The following ONECUT2 variants were observed in gnomAD, a reference collection of about 807,000 sequenced individuals.
ONECUT2 encodes one cut homeobox 2.
In ONECUT2, 10 loss-of-function variants were observed where a neutral mutation model predicts 27.9. That is an observed-to-expected ratio of 0.36 (90% CI 0.22 to 0.61). ONECUT2 has a LOEUF of 0.61. ONECUT2 is among the 20% of genes least tolerant of loss of function. The pLI is 0.73. For synonymous variants in ONECUT2, 334 were observed against 315.1 expected (o/e 1.06, Z -0.64); for missense variants, 686 against 721.0 (o/e 0.95, Z 0.56).
intron 1 of ONECUT2, among the ~76,000 whole-genome samples, chr18:57,459,000 T>G (rs1448676843): frequency 6.6e-6 from 1 of 152,252 alleles, no homozygotes; most frequent in African/African-American, 2.4e-5. Flanking sequence ...ATATACTTGC[T>G]GGTCATATAT....
At chr18:57,439,227 G>A (rs1299980464) in intron 1 of ONECUT2, among the ~76,000 whole-genome samples, 1 of 152,224 alleles carries the variant, frequency 6.6e-6, no homozygotes, top group South Asian at 2.1e-4. Context: ...CATCCCGGGG[G>A]TCCTCAGCCC....
chr18:57,457,303 A>G (rs146795260), intron 1 of ONECUT2, among the ~76,000 whole-genome samples: 44 of 152,302 alleles, frequency 2.9e-4, no homozygotes, highest in African/African-American at 8.9e-4. Flanking sequence ...AGGGGGAACC[A>G]GGTTTCCAAA....
At chr18:57,441,438 G>A (rs535153693) in intron 1 of ONECUT2, among the ~76,000 whole-genome samples, 3 of 152,248 alleles carry the variant, frequency 2.0e-5, no homozygotes, top group South Asian at 4.1e-4. Flanking sequence ...CTCCTCCCCC[G>A]CGAGGCCCCA....
At chr18:57,474,879 G>A (rs576680744) in intron 1 of ONECUT2, among the ~76,000 whole-genome samples, 4 of 152,102 alleles carry the variant, frequency 2.6e-5, no homozygotes, top group Non-Finnish European at 5.9e-5. Context: ...CAGTCTTGGG[G>A]GAATGTCAGT....
At chr18:57,475,056 A>ATTTTTTT (rs33961491) in intron 1 of ONECUT2, among the ~76,000 whole-genome samples, 17 of 125,526 alleles carry the variant, frequency 1.4e-4, no homozygotes, top group African/African-American at 5.0e-4. Flanking sequence ...ATTTCAAGTG[A>ATTTTTTT]TTTTTTTTTT....
At chr18:57,444,060 A>C (rs546875666) in intron 1 of ONECUT2, among the ~76,000 whole-genome samples, 1 of 152,238 alleles carries the variant, frequency 6.6e-6, no homozygotes, top group Non-Finnish European at 1.5e-5. Flanking sequence ...ATCTCTGGAA[A>C]GCATCACATT....
At position 57,489,984 on chromosome 18, in the gene ONECUT2, C is replaced by T. The variant is rs1272769622; in HGVS notation, c.*13261C>T. 6.6e-6 allele frequency: 1 copy of T among 152,192 alleles called. No individual in the cohort carries two copies. The highest frequency in any genetic ancestry group is 2.4e-5 in the African/African-American group (1 of 41,460). 9.4% of individuals were successfully genotyped at this position (152,192 alleles called of 1,614,324 possible). ...AACCTTTCTCAATCCAAGAGCAGTT[C>T]AGTCTTTTCTCCCCAAGTCTAGGAT... is the stretch of plus-strand genomic sequence containing the variant. On this transcript the variant is annotated 3_prime_UTR_variant, in exon 2 of 2. Coordinates refer to ENST00000491143, the MANE Select transcript of ONECUT2 (RefSeq NM_004852.3).
intron 1 of ONECUT2, among the ~76,000 whole-genome samples, chr18:57,444,877 G>A (rs1055872467): frequency 6.6e-6 from 1 of 152,144 alleles, no homozygotes; most frequent in Non-Finnish European, 1.5e-5. Flanking sequence ...ATGGGAAGGG[G>A]GGTGGGAAGA....
rs1434809317 is a variant in ONECUT2, at chr18:57,488,203, CTG to C, written c.*11481_*11482del. 1 of 152,588 alleles carries C rather than the reference CTG, an allele frequency of 6.6e-6. No homozygotes were observed. The highest frequency in any genetic ancestry group is 2.4e-5 in the African/African-American group (1 of 41,428). The allele number at this position is 152,588 out of a possible 1,614,324, so 9.5% of individuals were successfully genotyped here. On this transcript the variant is annotated 3_prime_UTR_variant, in exon 2 of 2. Transcript: ENST00000491143. ...GTCTTTTTATTTTTCTCTTATTAAT[CTG>C]CCAAAGATGGGAACAGATACAAGAA...
At chr18:57,464,523 G>A (rs1446354076) in intron 1 of ONECUT2, among the ~76,000 whole-genome samples, 6 of 151,636 alleles carry the variant, frequency 4.0e-5, no homozygotes, top group Admixed American at 6.6e-5. Flanking sequence ...CATGTTTGAC[G>A]TATCTGAAAT....
intron 1 of ONECUT2, among the ~76,000 whole-genome samples, chr18:57,453,302 T>G (rs1360451884): frequency 6.6e-6 from 1 of 152,226 alleles, no homozygotes; most frequent in Non-Finnish European, 1.5e-5. Context: ...TGTACTCACG[T>G]AGATATCTTA....
chr18:57,491,285 C>G lies in ONECUT2; in HGVS notation c.*14562C>G, dbSNP rs1191219881. On this transcript the variant is annotated 3_prime_UTR_variant, in exon 2 of 2. Transcript: ENST00000491143. Reference sequence around the variant, plus strand: ...TCTGCAATTAATGTTAAATAAACTGCTTTAATTCATTGACCATGGCTCAGT... The same window carrying G: ...TCTGCAATTAATGTTAAATAAACTGGTTTAATTCATTGACCATGGCTCAGT... The G allele has an allele frequency of 2.6e-5, 4 of 152,542 alleles. No individual in the cohort carries two copies. The highest frequency in any genetic ancestry group is 5.9e-5 in the Non-Finnish European group (4 of 68,024). 9.4% of individuals were successfully genotyped at this position (152,542 alleles called of 1,614,324 possible). A position where few individuals can be genotyped will look rare whatever the true frequency, so the allele number is the denominator to read the frequency against.
Position 57,436,466 on chromosome 18 carries a change from T to C in ONECUT2, c.750T>C (p.Gly250=). ...CGCAGCAGAGTCTGCCCAACTACGG[T>C]CCGCCGGGCCACGACAAAATGCTCA... ...HNAQQSLPNY[G]PPGHDKMLSP... The change falls in exon 1 of 2, where the codon GGT becomes GGC. Residue 250 remains glycine (G), a synonymous_variant. Transcript: ENST00000491143. This position sits in a 1 kb window ranked among gnomAD's most constrained non-coding sequence, Gnocchi z 5.9. 3 of 1,613,086 alleles carry C rather than the reference T, an allele frequency of 1.9e-6. No homozygotes were observed. Among genetic ancestry groups the C allele is most frequent in the Non-Finnish European group, 2.5e-6 (3 of 1,179,818 alleles).
chr18:57,483,100 G>T lies in ONECUT2; in HGVS notation c.*6377G>T, dbSNP rs2050423228. Reference sequence around the variant, plus strand: ...TTTCATAACTAAAGCTAAATCCAAAGACCTGAAAAAGGACAAAAAGAAAAA... The same window carrying T: ...TTTCATAACTAAAGCTAAATCCAAATACCTGAAAAAGGACAAAAAGAAAAA... On this transcript the variant is annotated 3_prime_UTR_variant, in exon 2 of 2. Transcript: ENST00000491143. 1 of 132,708 alleles carries T rather than the reference G, an allele frequency of 7.5e-6. No homozygotes were observed. The highest frequency in any genetic ancestry group is 2.9e-5 in the African/African-American group (1 of 34,456). The allele number at this position is 132,708 out of a possible 1,614,324, so 8.2% of individuals were successfully genotyped here. A position where few individuals can be genotyped will look rare whatever the true frequency, so the allele number is the denominator to read the frequency against.
At chr18:57,458,405 G>A (rs2050271912) in intron 1 of ONECUT2, among the ~76,000 whole-genome samples, 1 of 152,162 alleles carries the variant, frequency 6.6e-6, no homozygotes, top group Non-Finnish European at 1.5e-5. Context: ...TGTATAAATA[G>A]GTAGAAAGAC....
intron 1 of ONECUT2, among the ~76,000 whole-genome samples, chr18:57,437,483 T>C (rs1455760611): frequency 6.6e-6 from 1 of 152,242 alleles, no homozygotes; most frequent in Non-Finnish European, 1.5e-5. Flanking sequence ...ACCCACCATA[T>C]AGGCAAACTT....
intron 1 of ONECUT2, among the ~76,000 whole-genome samples, chr18:57,444,873 A>AG (rs928625300): frequency 2.0e-5 from 3 of 152,058 alleles, no homozygotes; most frequent in Admixed American, 6.5e-5. Context: ...AAAAATGGGA[A>AG]GGGGGGTGGG....
chr18:57,460,510 G>A (rs571965194), intron 1 of ONECUT2, among the ~76,000 whole-genome samples: 52 of 151,292 alleles, frequency 3.4e-4, no homozygotes, highest in Non-Finnish European at 7.1e-4. Flanking sequence ...TTTGCTTTAT[G>A]ATATATCTTG....
intron 1 of ONECUT2, among the ~76,000 whole-genome samples, chr18:57,461,808 C>A (rs1278447955): frequency 1.3e-5 from 2 of 152,250 alleles, no homozygotes; most frequent in Non-Finnish European, 2.9e-5. Context: ...AGGGCAGGCT[C>A]TGGCAGCCAG....
Sources: allele counts gnomAD v4.1 joint callset (sites outside exome capture counted in the v4.1 genomes callset), GRCh38; gene constraint gnomAD v4.1.1; non-coding constraint Gnocchi (gnomAD v3.1); transcripts MANE v1.5; gene names NCBI Gene and HGNC (gene_info 2026-07-23, HGNC 2026-07-21).